SUMF1: variants seen among roughly 807,000 people sequenced by gnomAD.
SUMF1 encodes sulfatase modifying factor 1.
SUMF1 carries 48 observed loss-of-function variants against 47.6 expected under a neutral mutation model. The ratio of observed to expected loss-of-function variants is 1.01; its 90% CI spans 0.80 to 1.28. The LOEUF is 1.28. Ranked by LOEUF, SUMF1 falls within the 50% of genes most tolerant of loss-of-function variation. The pLI is 0.00. For synonymous variants in SUMF1, 230 were observed against 192.1 expected (o/e 1.20, Z -1.63); for missense variants, 571 against 485.4 (o/e 1.18, Z -1.66).
At chr3:4,180,187 T>C (rs143306988) in intron 8 of SUMF1, among the ~76,000 whole-genome samples, 93 of 152,288 alleles carry the variant, frequency 6.1e-4, no homozygotes, top group African/African-American at 2.1e-3. Context: ...AGCAATCCCA[T>C]TACTGGGTAC....
At chr3:4,376,065 G>A (rs1049112175) in intron 8 of SUMF1, among the ~76,000 whole-genome samples, 1 of 152,136 alleles carries the variant, frequency 6.6e-6, no homozygotes, top group Non-Finnish European at 1.5e-5. Context: ...GCAGTTCGTG[G>A]GACAACAAAG....
intron 8 of SUMF1, among the ~76,000 whole-genome samples, chr3:4,096,453 G>A (rs779327703): frequency 6.6e-6 from 1 of 152,118 alleles, no homozygotes; most frequent in Non-Finnish European, 1.5e-5. Flanking sequence ...GCCAAAGAGT[G>A]AGTGAAAAGT....
chr3:4,360,257 T>C (rs190171180), downstream of SUMF1, among the ~76,000 whole-genome samples: 172 of 150,402 alleles, frequency 1.1e-3, no homozygotes, highest in Middle Eastern at 3.5e-3. Context: ...TGGAAGTTTG[T>C]AGAGAAACAT....
intron 8 of SUMF1, among the ~76,000 whole-genome samples, chr3:4,113,943 A>C (rs995937613): frequency 2.6e-5 from 4 of 152,134 alleles, no homozygotes; most frequent in Non-Finnish European, 4.4e-5. Flanking sequence ...TTAACAACAT[A>C]TCCTATATAG....
At chr3:4,043,638 TC>T (rs1166382373) in intron 9 of SUMF1, among the ~76,000 whole-genome samples, 3 of 152,086 alleles carry the variant, frequency 2.0e-5, no homozygotes, top group Admixed American at 6.6e-5. Context: ...AGCTCCTATT[TC>T]CCCATCCTCT....
At chr3:4,398,091 A>G (rs1003335607) in intron 7 of SUMF1, among the ~76,000 whole-genome samples, 1 of 152,148 alleles carries the variant, frequency 6.6e-6, no homozygotes, top group Non-Finnish European at 1.5e-5. Flanking sequence ...ACTTAAATCC[A>G]GGTCCCACTC....
At chr3:4,396,002 T>C (rs762044419) in intron 7 of SUMF1, among the ~76,000 whole-genome samples, 11 of 152,252 alleles carry the variant, frequency 7.2e-5, no homozygotes, top group African/African-American at 1.4e-4. Flanking sequence ...AGACATATAA[T>C]TGACCATCCA....
chr3:4,076,403 C>A (rs1205032912), intron 8 of SUMF1, among the ~76,000 whole-genome samples: 1 of 152,024 alleles, frequency 6.6e-6, no homozygotes, highest in Non-Finnish European at 1.5e-5. Context: ...AGAAGAAAAC[C>A]TAGGCAATAC....
intron 7 of SUMF1, among the ~76,000 whole-genome samples, chr3:4,393,509 T>A (rs1700943488): frequency 6.6e-6 from 1 of 152,114 alleles, no homozygotes. Context: ...ATATTTTATT[T>A]TTTTATAGAG....
chr3:4,325,490 T>C (rs1183128152), intron 8 of SUMF1, among the ~76,000 whole-genome samples: 1 of 152,124 alleles, frequency 6.6e-6, no homozygotes, highest in Non-Finnish European at 1.5e-5. Flanking sequence ...GAGAAGTCCA[T>C]ACATCAGTGG....
intron 9 of SUMF1, among the ~76,000 whole-genome samples, chr3:4,042,264 T>A (rs1243002555): frequency 2.0e-5 from 3 of 152,214 alleles, no homozygotes; most frequent in Non-Finnish European, 4.4e-5. Flanking sequence ...ATCTATTATG[T>A]CACCTGATCT....
At chr3:4,284,636 C>G (rs2125049147) in intron 8 of SUMF1, among the ~76,000 whole-genome samples, 1 of 151,988 alleles carries the variant, frequency 6.6e-6, no homozygotes, top group Non-Finnish European at 1.5e-5. Flanking sequence ...TATTTTCTTG[C>G]CACCAAAAAT....
In SUMF1 at chr3:4,246,072, C is replaced by T. The variant is rs866976238; in HGVS notation, c.1014+130258G>A. ...GGTGTGGGAACCGCCAAGCCAGGTA[C>T]GGGAGGGAATCTCCTGGTCTTCCGG... On this transcript the variant is annotated intron_variant and NMD_transcript_variant, in intron 8 of 12. Transcript: ENST00000448413. 8.2e-4 allele frequency among the ~76,000 whole-genome samples: 124 copies of T among 152,140 alleles called. 1 individual carries two copies. Among genetic ancestry groups the T allele is most frequent in the East Asian group, 1.9e-4 (1 of 5,184 alleles).
intron 8 of SUMF1, among the ~76,000 whole-genome samples, chr3:4,265,896 T>G (rs1697183941): frequency 6.6e-6 from 1 of 152,130 alleles, no homozygotes; most frequent in Admixed American, 6.5e-5. Context: ...CATCTTGAAT[T>G]GATTTTTGTA....
rs143279681 is a variant in SUMF1, at chr3:4,115,126, C to A, written c.1015-46381G>T. On this transcript the variant is annotated intron_variant and NMD_transcript_variant, in intron 8 of 12. Transcript: ENST00000448413. ...GGCACAAATGCAGACAGCTGGACCT[C>A]GAGAGGAGCAGAGGAGCGGAAGAGG... Among the ~76,000 whole-genome samples the A allele has an allele frequency of 1.2e-3, 190 of 152,040 alleles. 1 individual carries two copies. The highest frequency in any genetic ancestry group is 6.7e-3 in the Admixed American group (103 of 15,270).
intron 8 of SUMF1, among the ~76,000 whole-genome samples, chr3:4,088,922 T>C (rs1692726998): frequency 6.6e-6 from 1 of 152,076 alleles, no homozygotes; most frequent in Admixed American, 6.5e-5. Context: ...TGAATGAATA[T>C]ATGGACAAAT....
intron 7 of SUMF1, among the ~76,000 whole-genome samples, chr3:4,376,758 T>C (rs1296967363): frequency 6.6e-6 from 1 of 152,226 alleles, no homozygotes; most frequent in Non-Finnish European, 1.5e-5. Flanking sequence ...TTTACTCATC[T>C]ACACTGGCAA....
At chr3:4,368,748 A>G (rs2662126) in intron 8 of SUMF1, among the ~76,000 whole-genome samples, 102,744 of 152,074 alleles carry the variant, frequency 0.68, 36,466 homozygotes, top group African/African-American at 0.89. Context: ...CATATCCCTG[A>G]CTACCTAGCA....
At chr3:4,172,116 G>T (rs1020643529) in intron 8 of SUMF1, among the ~76,000 whole-genome samples, 10 of 152,014 alleles carry the variant, frequency 6.6e-5, no homozygotes, top group Non-Finnish European at 1.2e-4. Flanking sequence ...GCAAGTAGGG[G>T]GATGGAACGA....
Sources: gnomAD v4.1 joint callset for allele counts (sites outside exome capture counted in the v4.1 genomes callset) on GRCh38, gnomAD v4.1.1 for gene constraint, MANE v1.5 for transcripts, NCBI Gene and HGNC (gene_info 2026-07-23, HGNC 2026-07-21) for gene names.